COL11A2: variants seen among roughly 807,000 people sequenced by gnomAD.
COL11A2 encodes collagen alpha-2(XI) chain.
COL11A2 carries 116 observed loss-of-function variants against 273.4 expected under a neutral mutation model. That is an observed-to-expected ratio of 0.42 (90% confidence interval 0.36 to 0.49). The LOEUF is 0.49. COL11A2 is among the 20% of genes least tolerant of loss of function. The pLI is 0.00. For missense variants in COL11A2, 1,866 were observed against 2,309.0 expected, an observed-to-expected ratio of 0.81 and a Z score of 3.93; for synonymous variants, 782 against 864.2, an observed-to-expected ratio of 0.90 and a Z score of 1.67.
rs544570775 is a variant in COL11A2, at chr6:33,170,649, C to T, written c.3475-39G>A. 3.1e-6 allele frequency: 5 copies of T among 1,611,662 alleles called. No homozygotes were observed. The Admixed American group carries it at 8.3e-5, about 27-fold the overall frequency. ...CAAAACATGGGCCCAGGTGACGACC[C>T]CACCCAAAGCACAGCCCTAGGCAGA... On this transcript the variant is annotated intron_variant, in intron 46 of 65. Coordinates refer to ENST00000341947, the MANE Select transcript of COL11A2 (RefSeq NM_080680.3). This position sits in a 1 kb window ranked among gnomAD's most constrained non-coding sequence, Gnocchi z 4.3.
rs1398359676 is a variant in COL11A2 at position 33,163,392 on chromosome 6, T to C, written c.*286A>G. 7.7e-6 allele frequency: 4 copies of C among 520,744 alleles called. No individual in the cohort carries two copies. 32.3% of individuals were successfully genotyped at this position (520,744 alleles called of 1,614,324 possible). A position where few individuals can be genotyped will look rare whatever the true frequency, so the allele number is the denominator to read the frequency against. ...GCCATGTCCTTTCTCTTCTCTTCCA[T>C]TTGTTTGGGGTGATTGGGAGGTGAG... is the stretch of plus-strand genomic sequence containing the variant. On this transcript the variant is annotated 3_prime_UTR_variant, in exon 66 of 66. Transcript: ENST00000341947. This position sits in a 1 kb window ranked among gnomAD's most constrained non-coding sequence, Gnocchi z 4.1.
chr6:33,177,061 G>A lies in COL11A2; in HGVS notation c.2017-16C>T, dbSNP rs1185181185. ...CTTGAGGACCCTGCAGGAAGACAAA[G>A]AGGCTCAGGGTCACTAGAGGGGTCA... is the stretch of plus-strand genomic sequence containing the variant. On this transcript the variant is annotated splice_polypyrimidine_tract_variant and intron_variant, in intron 24 of 65. Transcript: ENST00000341947. This position sits in a 1 kb window ranked among gnomAD's most constrained non-coding sequence, Gnocchi z 5.9. 4 of 1,612,578 alleles carry A rather than the reference G, an allele frequency of 2.5e-6. No individual in the cohort carries two copies. Among genetic ancestry groups the A allele is most frequent in the Non-Finnish European group, 2.5e-6 (3 of 1,179,832 alleles).
Position 33,178,502 on chromosome 6 carries a change from G to C in COL11A2, c.1720-14C>G. The C allele has an allele frequency of 6.2e-7, 1 of 1,612,844 alleles. No homozygotes were observed. The highest frequency in any genetic ancestry group is 8.5e-7 in the Non-Finnish European group (1 of 1,179,936). On this transcript the variant is annotated splice_polypyrimidine_tract_variant and intron_variant, in intron 18 of 65. Coordinates refer to ENST00000341947, the MANE Select transcript of COL11A2 (RefSeq NM_080680.3). This position sits in a 1 kb window ranked among gnomAD's most constrained non-coding sequence, Gnocchi z 4.6. ...ACCAGTATCACCCTGCAAAATGGGG[G>C]AACTCATAAGAGGGGCTTCAGAGCC...
At position 33,166,837 on chromosome 6, in the gene COL11A2, G is replaced by C. The variant is rs751161439; in HGVS notation, c.4231-10C>G. On this transcript the variant is annotated splice_polypyrimidine_tract_variant and intron_variant, in intron 58 of 65. Coordinates refer to ENST00000341947, the MANE Select transcript of COL11A2 (RefSeq NM_080680.3). The surrounding 1 kb of genome is among the most constrained non-coding windows in gnomAD (Gnocchi z 4.8). ...TGAGACCTGGGTGGCCCTAGAGAAG[G>C]GTGCAGGCAGTCAAGAGAATGCAAA... The C allele has an allele frequency of 1.2e-6, 2 of 1,612,908 alleles. No homozygotes were observed. The highest frequency in any genetic ancestry group is 1.7e-6 in the Non-Finnish European group (2 of 1,179,762).
intron 29 of COL11A2, 26 bp from the exon 30 acceptor site, chr6:33,175,707 G>A (rs1002147252): frequency 6.2e-7 from 1 of 1,602,398 alleles, no homozygotes; most frequent in South Asian, 1.1e-5. Flanking sequence ...GGACAGGTGA[G>A]TGCTGGGGAC....
chr6:33,186,607 G>T lies in COL11A2; in HGVS notation c.798+20C>A. 6.2e-7 allele frequency: 1 copy of T among 1,614,162 alleles called. No individual in the cohort carries two copies. Among genetic ancestry groups the T allele is most frequent in the Non-Finnish European group, 8.5e-7 (1 of 1,180,018 alleles). On this transcript the variant is annotated intron_variant, in intron 5 of 65. Transcript: ENST00000341947. ...CTCTCTGGGGTGTGCTGCACTTGGG[G>T]GTTCTCCCAGCTCCCTCACCTGGCT...
chr6:33,177,718 G>T lies in COL11A2; in HGVS notation c.1873-12C>A. The T allele has an allele frequency of 6.2e-7, 1 of 1,612,996 alleles. No homozygotes were observed. Among genetic ancestry groups the T allele is most frequent in the East Asian group, 2.2e-5 (1 of 44,874 alleles). Reference sequence around the variant, plus strand: ...ATGCCTCGGACGCCCTGAAACACAAGATGGGTGTGAGCAGCCTGAAGGTGG... The same window carrying T: ...ATGCCTCGGACGCCCTGAAACACAATATGGGTGTGAGCAGCCTGAAGGTGG... On this transcript the variant is annotated splice_polypyrimidine_tract_variant and intron_variant, in intron 21 of 65. Coordinates refer to ENST00000341947, the MANE Select transcript of COL11A2 (RefSeq NM_080680.3). The surrounding 1 kb of genome is among the most constrained non-coding windows in gnomAD (Gnocchi z 5.9).
At position 33,164,920 on chromosome 6, in the gene COL11A2, A is replaced by G; in HGVS notation, c.4795T>C (p.Phe1599Leu). The change falls in exon 64 of 66, where the codon TTC becomes CTC. Residue 1599 changes from phenylalanine (F) to leucine (L), a missense_variant. By Grantham distance (22) the Phe-to-Leu change is conservative. Transcript: ENST00000341947. This position sits in a 1 kb window ranked among gnomAD's most constrained non-coding sequence, Gnocchi z 4.7. ...GCTGTGAAGTTGCAGAAAACTCGGA[A>G]GGCATCCCGAGCACAGCCCTGGTTG... ...DPNQGCARDA[F>L]RVFCNFTAGG... 6.3e-7 allele frequency: 1 copy of G among 1,581,338 alleles called. No homozygotes were observed. The highest frequency in any genetic ancestry group is 1.2e-5 in the South Asian group (1 of 86,460).
chr6:33,167,685 C>T lies in COL11A2; in HGVS notation c.4014+114G>A, dbSNP rs1442851731. 1 of 1,483,196 alleles carries T rather than the reference C, an allele frequency of 6.7e-7. No individual in the cohort carries two copies. Among genetic ancestry groups the T allele is most frequent in the Admixed American group, 1.9e-5 (1 of 53,464 alleles). The allele number at this position is 1,483,196 out of a possible 1,614,324, so 91.9% of individuals were successfully genotyped here. On this transcript the variant is annotated intron_variant, in intron 55 of 65. Coordinates refer to ENST00000341947, the MANE Select transcript of COL11A2 (RefSeq NM_080680.3). This position sits in a 1 kb window ranked among gnomAD's most constrained non-coding sequence, Gnocchi z 6.1. ...GAACAAGTACAGGGAACGCCTGTCC[C>T]CATAAGGGCCCAACATGGGAGAGGT...
Position 33,165,474 on chromosome 6 carries a change from C to T in COL11A2, c.4750+75G>A. 2 of 1,596,882 alleles carry T rather than the reference C, an allele frequency of 1.3e-6. No individual in the cohort carries two copies. Among genetic ancestry groups the T allele is most frequent in the Non-Finnish European group, 1.7e-6 (2 of 1,176,730 alleles). Reference sequence around the variant, plus strand: ...TAACCCAACACCTTCACCAAGACTCCCCCAGCATCCATTCTGCTTGTTCAG... The same window carrying T: ...TAACCCAACACCTTCACCAAGACTCTCCCAGCATCCATTCTGCTTGTTCAG... On this transcript the variant is annotated intron_variant, in intron 63 of 65. Transcript: ENST00000341947. This position sits in a 1 kb window ranked among gnomAD's most constrained non-coding sequence, Gnocchi z 7.7.
rs1476539927 is a variant in COL11A2, at chr6:33,179,148, TG to T, written c.1558-23del. ...GGCCCTGGTGAGAGGAGAGATGGGG[TG>T]GGGTTAGGAGGCATAGGGAGGGGAG... On this transcript the variant is annotated intron_variant, in intron 15 of 65. Coordinates refer to ENST00000341947, the MANE Select transcript of COL11A2 (RefSeq NM_080680.3). The surrounding 1 kb of genome is among the most constrained non-coding windows in gnomAD (Gnocchi z 6.4). 2 of 1,612,130 alleles carry T rather than the reference TG, an allele frequency of 1.2e-6. No individual in the cohort carries two copies. Among genetic ancestry groups the T allele is most frequent in the African/African-American group, 2.7e-5 (2 of 74,566 alleles).
rs772860770 is a variant in COL11A2 at position 33,173,489 on chromosome 6, G to C, written c.2682+13C>G. 2 of 1,612,370 alleles carry C rather than the reference G, an allele frequency of 1.2e-6. No homozygotes were observed. The highest frequency in any genetic ancestry group is 8.5e-7 in the Non-Finnish European group (1 of 1,179,492). ...AGAGAAGCGAGGTGGGTCAGAGCTC[G>C]GGGTCAACTTACCGGGGGTCCTTTC... On this transcript the variant is annotated intron_variant, in intron 36 of 65. Coordinates refer to ENST00000341947, the MANE Select transcript of COL11A2 (RefSeq NM_080680.3). This position sits in a 1 kb window ranked among gnomAD's most constrained non-coding sequence, Gnocchi z 6.3.
rs2150560204 is a variant in COL11A2, at chr6:33,174,202, G to A, written c.2447C>T (p.Pro816Leu). 1 of 1,573,658 alleles carries A rather than the reference G, an allele frequency of 6.4e-7. No individual in the cohort carries two copies. The highest frequency in any genetic ancestry group is 8.6e-7 in the Non-Finnish European group (1 of 1,159,090). ...CTCTCCACTGGCACCAGGAAAGCCA[G>A]GAAATCCTAGGGACCCCTGGTGAGA... ...RQGPKGSLGFPGFPGASGEKG... is the reference protein window; with the variant it reads ...RQGPKGSLGFLGFPGASGEKG... The change falls in exon 32 of 66, where the codon CCT (proline) becomes CTT (leucine). Residue 816 changes from proline (P) to leucine (L), a missense_variant. Transcript: ENST00000341947.
At chr6:33,191,964 C>T (rs1289664941) in intron 1 of COL11A2, among the ~76,000 whole-genome samples, 195 bp downstream of exon 1, 1 of 152,234 alleles carries the variant, frequency 6.6e-6, no homozygotes, top group Admixed American at 6.5e-5. Context: ...CTCCCCCAGT[C>T]ACTTCAAGGA....
At position 33,163,940 on chromosome 6, in the gene COL11A2, A is replaced by G. The variant is rs1028821553; in HGVS notation, c.5071-122T>C. ...GCCCCATCAGGGTGACTCAGGATGT[A>G]CAGACTGGCAGTGTCTATGTGCCCA... On this transcript the variant is annotated intron_variant, in intron 65 of 65. Coordinates refer to ENST00000341947, the MANE Select transcript of COL11A2 (RefSeq NM_080680.3). This position sits in a 1 kb window ranked among gnomAD's most constrained non-coding sequence, Gnocchi z 4.1. 7 of 1,437,366 alleles carry G rather than the reference A, an allele frequency of 4.9e-6. No individual in the cohort carries two copies. The African/African-American group carries it at 9.9e-5, about 20-fold the overall frequency. 89.0% of individuals were successfully genotyped at this position (1,437,366 alleles called of 1,614,324 possible).
rs1299004275 is a variant in COL11A2, at chr6:33,169,349, T to C, written c.3798+34A>G. The C allele has an allele frequency of 1.3e-6, 2 of 1,574,800 alleles. No homozygotes were observed. The highest frequency in any genetic ancestry group is 2.2e-5 in the South Asian group (2 of 90,090). ...TCCCAGGTCTGTCATTCACAGGGCC[T>C]GAGAGGACTCAGCCCCCACTGCCCC... On this transcript the variant is annotated intron_variant, in intron 51 of 65. Coordinates refer to ENST00000341947, the MANE Select transcript of COL11A2 (RefSeq NM_080680.3). This position sits in a 1 kb window ranked among gnomAD's most constrained non-coding sequence, Gnocchi z 5.5.
intron 7 of COL11A2, among the ~76,000 whole-genome samples, chr6:33,184,693 C>T (rs958003846): frequency 6.6e-6 from 1 of 152,102 alleles, no homozygotes; most frequent in Admixed American, 6.5e-5. Context: ...AAAGTGGCTC[C>T]CGGGAACAGA....
Position 33,171,047 on chromosome 6 carries a change from G to A in COL11A2, c.3366+67C>T, listed in dbSNP as rs1769972033. ...CCCTGCTCCCACTCCCAGCCACAAGGGCAGAGGGGAGCTGAGGGAGGACCA... is the reference window on the plus strand; with the variant it reads ...CCCTGCTCCCACTCCCAGCCACAAGAGCAGAGGGGAGCTGAGGGAGGACCA... On this transcript the variant is annotated intron_variant, in intron 45 of 65. Transcript: ENST00000341947. 16 of 1,578,476 alleles carry A rather than the reference G, an allele frequency of 1.0e-5. No individual in the cohort carries two copies. In the South Asian group the frequency reaches 1.7e-4, roughly 17 times the overall value.
In COL11A2 at chr6:33,163,828, G is replaced by A. The variant is rs771886624; in HGVS notation, c.5071-10C>T. On this transcript the variant is annotated splice_polypyrimidine_tract_variant and intron_variant, in intron 65 of 65. Transcript: ENST00000341947. This position sits in a 1 kb window ranked among gnomAD's most constrained non-coding sequence, Gnocchi z 4.1. ...TCCGGCCTTGCTGTGTCTTCAGGGGGAGACAAGGAAGAAAGTGTGAGCAGG... is the reference window on the plus strand; with the variant it reads ...TCCGGCCTTGCTGTGTCTTCAGGGGAAGACAAGGAAGAAAGTGTGAGCAGG... 3.1e-6 allele frequency: 5 copies of A among 1,612,804 alleles called. No homozygotes were observed. Among genetic ancestry groups the A allele is most frequent in the South Asian group, 2.2e-5 (2 of 91,072 alleles).
Sources: gnomAD v4.1 joint callset for allele counts (sites outside exome capture counted in the v4.1 genomes callset) on GRCh38, gnomAD v4.1.1 for gene constraint, Gnocchi (gnomAD v3.1) non-coding constraint, MANE v1.5 for transcripts, NCBI Gene and HGNC (gene_info 2026-07-23, HGNC 2026-07-21) for gene names.